The following DPP6 variants were observed in gnomAD, a reference collection of about 807,000 sequenced individuals.
DPP6 encodes dipeptidyl peptidase like 6, also known as A-type potassium channel modulatory protein DPP6.
Under a neutral mutation model 122.6 loss-of-function variants are expected in DPP6, and 69 were observed. The ratio of observed to expected loss-of-function variants is 0.56; its 90% confidence interval spans 0.46 to 0.69. The LOEUF (loss-of-function observed/expected upper bound fraction) is 0.69, where lower values mean the gene tolerates loss of function less well. Ranked by LOEUF, DPP6 falls within the 30% of genes least tolerant of loss-of-function variation. The pLI is 0.00. For synonymous variants in DPP6, 418 were observed against 433.1 expected (o/e 0.97, Z 0.43); for missense variants, 928 against 1,116.9 (o/e 0.83, Z 2.41).
chr7:154,868,001 T>A lies in DPP6; in HGVS notation c.1721T>A (p.Phe574Tyr). The change falls in exon 18 of 26, where the codon TTT (phenylalanine) becomes TAT (tyrosine). Residue 574 changes from phenylalanine to tyrosine, a missense_variant. Transcript: ENST00000377770. ...VHNTTDKKKM[F>Y]DLETNEHVKK... ...CCTGTTTCCTCTCTTTCAGAAATGT[T>A]TGACCTAGAAACAAATGAACATGTC... 6.3e-7 allele frequency: 1 copy of A among 1,598,990 alleles called. No individual in the cohort carries two copies. Among genetic ancestry groups the A allele is most frequent in the East Asian group, 2.2e-5 (1 of 44,512 alleles).
intron 1 of DPP6, among the ~76,000 whole-genome samples, chr7:154,279,436 G>GT (rs1202341052): frequency 6.6e-6 from 1 of 152,194 alleles, no homozygotes; most frequent in East Asian, 1.9e-4. Context: ...CTTGGTGGTG[G>GT]TATCATGGGG....
chr7:154,160,589 T>C (rs888589739), intron 1 of DPP6, among the ~76,000 whole-genome samples: 1 of 152,154 alleles, frequency 6.6e-6, no homozygotes, highest in African/African-American at 2.4e-5. Context: ...AGAAGCTCCC[T>C]TCATCACTTG....
At chr7:154,363,948 A>C (rs1318072924) in intron 1 of DPP6, among the ~76,000 whole-genome samples, 2 of 152,176 alleles carry the variant, frequency 1.3e-5, no homozygotes, top group Non-Finnish European at 2.9e-5. Flanking sequence ...AAAAAACAAA[A>C]ACAAAACAGC....
At chr7:154,814,876 C>T (rs896268687) in intron 16 of DPP6, among the ~76,000 whole-genome samples, 2 of 152,274 alleles carry the variant, frequency 1.3e-5, no homozygotes, top group South Asian at 2.1e-4. Context: ...CCAAATTTCC[C>T]ACTTCTTATG....
intron 2 of DPP6, among the ~76,000 whole-genome samples, chr7:154,464,490 A>T (rs762335841): frequency 1.1e-4 from 16 of 152,194 alleles, no homozygotes; most frequent in Admixed American, 8.5e-4. Flanking sequence ...TATAGAGAGG[A>T]TGATCAGTGA....
At chr7:154,884,138 TCACA>T (rs746890952) in intron 21 of DPP6, 1 of 109,312 alleles carries the variant, frequency 9.1e-6, no homozygotes, top group Non-Finnish European at 1.9e-5. Context: ...ATACACATGC[TCACA>T]CACACATGCT....
intron 2 of DPP6, among the ~76,000 whole-genome samples, chr7:154,459,974 CTTTTTTTT>C (rs71184004): frequency 8.5e-5 from 5 of 58,594 alleles, no homozygotes; most frequent in African/African-American, 2.2e-4. Context: ...TATTCATGTG[CTTTTTTTT>C]TTTTTTTTTT....
At chr7:154,803,480 C>G (rs920246899) in intron 13 of DPP6, among the ~76,000 whole-genome samples, 1 of 152,156 alleles carries the variant, frequency 6.6e-6, no homozygotes, top group Non-Finnish European at 1.5e-5. Flanking sequence ...TCTCTTTCCT[C>G]CCTCACTGGT....
chr7:153,991,439 A>G (rs1797173130), intron 1 of DPP6, among the ~76,000 whole-genome samples: 1 of 152,224 alleles, frequency 6.6e-6, no homozygotes, highest in East Asian at 1.9e-4. Flanking sequence ...ATTCCTTTGT[A>G]GGTTTTTAGT....
intron 1 of DPP6, among the ~76,000 whole-genome samples, chr7:153,964,858 CTTTCCT>C (rs1795578151): frequency 8.9e-6 from 1 of 112,326 alleles, no homozygotes; most frequent in Admixed American, 8.5e-5. Context: ...TTCCTTTTCC[CTTTCCT>C]TTCCTTTCCT....
intron 1 of DPP6, among the ~76,000 whole-genome samples, chr7:154,307,685 A>C (rs1014736902): frequency 6.6e-6 from 1 of 152,140 alleles, no homozygotes; most frequent in Non-Finnish European, 1.5e-5. Context: ...TTATTCCTGC[A>C]TTATATATAA....
At chr7:154,268,310 T>G (rs997638278) in intron 1 of DPP6, among the ~76,000 whole-genome samples, 4 of 152,202 alleles carry the variant, frequency 2.6e-5, no homozygotes, top group African/African-American at 9.7e-5. Flanking sequence ...ACTGGGTGGC[T>G]TATAAACAAG....
intron 1 of DPP6, among the ~76,000 whole-genome samples, chr7:154,381,821 G>A (rs961163263): frequency 2.6e-5 from 4 of 152,128 alleles, no homozygotes; most frequent in African/African-American, 7.2e-5. Context: ...GGCAACTGTG[G>A]GTCTGCTGCC....
rs552893903 is a variant in DPP6 at position 154,481,280 on chromosome 7, T to C, written c.457+6243T>C. On this transcript the variant is annotated intron_variant, in intron 3 of 25. Transcript: ENST00000377770. This position sits in a 1 kb window ranked among gnomAD's most constrained non-coding sequence, Gnocchi z 4.2. ...ACAATGTTAGGTATTGTCTATATGATGATGAGTTTCAATTCTCTAGCTCAA... is the reference window on the plus strand; with the variant it reads ...ACAATGTTAGGTATTGTCTATATGACGATGAGTTTCAATTCTCTAGCTCAA... Among the ~76,000 whole-genome samples, 469 of 152,190 alleles carry C rather than the reference T, an allele frequency of 3.1e-3. 1 individual carries two copies. The highest frequency in any genetic ancestry group is 0.026 in the South Asian group (124 of 4,818).
intron 1 of DPP6, among the ~76,000 whole-genome samples, chr7:154,121,925 T>C (rs1807503635): frequency 6.6e-6 from 1 of 152,244 alleles, no homozygotes; most frequent in Non-Finnish European, 1.5e-5. Flanking sequence ...ATTTTAGCTA[T>C]CTATTTAAAG....
At chr7:154,383,848 C>T (rs1813845677) in intron 1 of DPP6, among the ~76,000 whole-genome samples, 1 of 143,674 alleles carries the variant, frequency 7.0e-6, no homozygotes, top group East Asian at 2.1e-4. Context: ...CAAGATTGTG[C>T]CACTGCACTC....
At chr7:154,723,101 A>C (rs939255978) in intron 7 of DPP6, among the ~76,000 whole-genome samples, 10 of 152,238 alleles carry the variant, frequency 6.6e-5, no homozygotes, top group Admixed American at 6.5e-4. Flanking sequence ...TCTACAAAAA[A>C]TACAAAAATT....
intron 1 of DPP6, among the ~76,000 whole-genome samples, chr7:154,075,043 A>G (rs535320005): frequency 6.6e-6 from 1 of 152,020 alleles, no homozygotes; most frequent in Non-Finnish European, 1.5e-5. Context: ...GCCAACAAAC[A>G]TATGAAAAAA....
At chr7:153,977,198 G>GGT (rs55750679) in intron 1 of DPP6, among the ~76,000 whole-genome samples, 90,045 of 149,592 alleles carry the variant, frequency 0.6, 27,237 homozygotes, top group Non-Finnish European at 0.66. Flanking sequence ...TACCAATAGG[G>GGT]GTGTGTGTGT....
Sources: allele counts gnomAD v4.1 joint callset (sites outside exome capture counted in the v4.1 genomes callset), GRCh38; gene constraint gnomAD v4.1.1; non-coding constraint Gnocchi (gnomAD v3.1); transcripts MANE v1.5; gene names NCBI Gene and HGNC (gene_info 2026-07-23, HGNC 2026-07-21).